WWTR1: variants seen among roughly 807,000 people sequenced by gnomAD.
WWTR1 encodes the protein WW domain-containing transcription regulator protein 1.
WWTR1 carries 13 observed loss-of-function variants against 40.1 expected under a neutral mutation model. That is an observed-to-expected ratio of 0.32 (90% CI 0.21 to 0.52). WWTR1 has a LOEUF of 0.52. Ranked by LOEUF, WWTR1 falls within the 20% of genes least tolerant of loss-of-function variation. WWTR1 has a pLI of 0.97. For missense variants in WWTR1, 436 were observed against 523.1 expected, an observed-to-expected ratio of 0.83 and a Z score of 1.63; for synonymous variants, 230 against 210.1, an observed-to-expected ratio of 1.09 and a Z score of -0.82.
intron 1 of WWTR1, 98 bp from the exon 2 acceptor site, chr3:149,657,407 G>A (rs1392648801): frequency 7.4e-7 from 1 of 1,353,862 alleles, no homozygotes. Flanking sequence ...AGAAAGAATA[G>A]AGGGAAAAGG....
At chr3:149,533,421 C>G (rs1175411461) in intron 4 of WWTR1, among the ~76,000 whole-genome samples, 1 of 152,192 alleles carries the variant, frequency 6.6e-6, no homozygotes, top group African/African-American at 2.4e-5. Flanking sequence ...GAAGGGCACA[C>G]AGTGGCTCTC....
In WWTR1 at chr3:149,622,490, G is replaced by GA. The variant is rs1560089654; in HGVS notation, c.431+34385dup. ...GGAAGGAAGGAAGGAAGGAAGGAAG[G>GA]AAGGAAGGAAGGAAGAAAGAAAGAA... On this transcript the variant is annotated intron_variant, in intron 2 of 6. Coordinates refer to ENST00000360632, the MANE Select transcript of WWTR1 (RefSeq NM_015472.6). Among the ~76,000 whole-genome samples the GA allele has an allele frequency of 1.4e-3, 90 of 62,678 alleles. 1 individual carries two copies. The East Asian group carries it at 0.038, about 26-fold the overall frequency. 41.1% of individuals were successfully genotyped at this position (62,678 alleles called of 152,430 possible).
chr3:149,564,156 C>G (rs954660432), intron 3 of WWTR1, among the ~76,000 whole-genome samples: 3 of 152,216 alleles, frequency 2.0e-5, no homozygotes, highest in South Asian at 2.1e-4. Flanking sequence ...CCTACATTTA[C>G]TGACACAGAA....
chr3:149,689,242 A>C (rs938263461), intron 1 of WWTR1, among the ~76,000 whole-genome samples: 2 of 152,040 alleles, frequency 1.3e-5, no homozygotes, highest in Admixed American at 1.3e-4. Context: ...TTAGTGGGGC[A>C]TGGTGGTTTG....
intron 1 of WWTR1, among the ~76,000 whole-genome samples, chr3:149,697,421 A>G (rs1473082496): frequency 1.3e-5 from 2 of 152,168 alleles, no homozygotes; most frequent in Non-Finnish European, 2.9e-5. Flanking sequence ...ACTATAAAAC[A>G]TTGATGAAAA....
intron 6 of WWTR1, among the ~76,000 whole-genome samples, chr3:149,524,608 T>C (rs909037826): frequency 1.3e-5 from 2 of 152,164 alleles, no homozygotes; most frequent in Non-Finnish European, 2.9e-5. Flanking sequence ...TGCAAACTAT[T>C]CCTGTGTCAC....
At chr3:149,603,854 C>CAA (rs370980729) in intron 2 of WWTR1, among the ~76,000 whole-genome samples, 1,835 of 83,154 alleles carry the variant, frequency 0.022, 77 homozygotes, top group Non-Finnish European at 0.029. Flanking sequence ...AGCGGCATAC[C>CAA]AAAAAAAAAA....
intron 3 of WWTR1, among the ~76,000 whole-genome samples, chr3:149,567,586 C>A (rs535824176): frequency 6.6e-6 from 1 of 152,310 alleles, no homozygotes; most frequent in South Asian, 2.1e-4. Context: ...TCTAACAGAG[C>A]ATATCAAAGG....
chr3:149,686,249 G>C (rs192311318), intron 1 of WWTR1, among the ~76,000 whole-genome samples: 1 of 152,248 alleles, frequency 6.6e-6, no homozygotes, highest in Admixed American at 6.5e-5. Flanking sequence ...TGGTTTTCAG[G>C]CTAGATCCAT....
intron 4 of WWTR1, among the ~76,000 whole-genome samples, chr3:149,538,782 C>G (rs934437559): frequency 6.6e-6 from 1 of 152,226 alleles, no homozygotes; most frequent in Non-Finnish European, 1.5e-5. Context: ...ATGGTAGCCA[C>G]TGGGCCCCTG....
At chr3:149,679,122 C>A (rs113400252) in intron 1 of WWTR1, among the ~76,000 whole-genome samples, 1 of 152,104 alleles carries the variant, frequency 6.6e-6, no homozygotes, top group Admixed American at 6.6e-5. Context: ...TGAGCCACTG[C>A]GCCTGGCCCA....
chr3:149,543,466 C>T (rs1388816513), intron 3 of WWTR1, among the ~76,000 whole-genome samples: 1 of 149,934 alleles, frequency 6.7e-6, no homozygotes, highest in East Asian at 2.0e-4. Flanking sequence ...CGTGTAGTCC[C>T]AGCTACTCAG....
At chr3:149,685,563 TCTC>T (rs1430351732) in intron 1 of WWTR1, among the ~76,000 whole-genome samples, 1 of 152,194 alleles carries the variant, frequency 6.6e-6, no homozygotes, top group Non-Finnish European at 1.5e-5. Context: ...TTCAGGCTCT[TCTC>T]CTGGTAAATA....
At chr3:149,612,648 T>C (rs555891326) in intron 2 of WWTR1, among the ~76,000 whole-genome samples, 90 of 152,316 alleles carry the variant, frequency 5.9e-4, no homozygotes, top group African/African-American at 2.2e-3. Context: ...CAGGAGGATA[T>C]GAGGCTGCAA....
chr3:149,657,569 G>A (rs948289945), intron 1 of WWTR1, 196 bp downstream of exon 1: 2 of 492,282 alleles, frequency 4.1e-6, no homozygotes, highest in South Asian at 5.4e-5. Flanking sequence ...TAGGGCGAGG[G>A]GTGGAGGGAA....
At chr3:149,576,955 C>G (rs776869458) in intron 2 of WWTR1, among the ~76,000 whole-genome samples, 1 of 152,092 alleles carries the variant, frequency 6.6e-6, no homozygotes, top group East Asian at 1.9e-4. Context: ...GTTGGGAGTT[C>G]GAGACCAGCC....
At chr3:149,667,589 T>G (rs183570114) in intron 2 of WWTR1, among the ~76,000 whole-genome samples, 289 of 151,858 alleles carry the variant, frequency 1.9e-3, no homozygotes, top group African/African-American at 6.7e-3. Context: ...TTACTAATGA[T>G]GTCTAGGCAA....
In WWTR1 at chr3:149,593,545, T is replaced by C. The variant is rs556069142; in HGVS notation, c.432-20545A>G. Among the ~76,000 whole-genome samples the C allele has an allele frequency of 5.2e-4, 79 of 152,368 alleles. No homozygotes were observed. In the South Asian group the frequency reaches 0.016, roughly 31 times the overall value. On this transcript the variant is annotated intron_variant, in intron 2 of 6. Transcript: ENST00000360632. ...TCTTTTCCTGATTCCACTTCGACACTGCTCACCACTGAAGAGAACTCTAAG... is the reference window on the plus strand; with the variant it reads ...TCTTTTCCTGATTCCACTTCGACACCGCTCACCACTGAAGAGAACTCTAAG...
Position 149,536,300 on chromosome 3 carries a change from G to C in WWTR1, c.771+6035C>G, listed in dbSNP as rs559497167. Among the ~76,000 whole-genome samples the C allele has an allele frequency of 7.2e-5, 11 of 152,220 alleles. No individual in the cohort carries two copies. In the South Asian group the frequency reaches 2.3e-3, roughly 32 times the overall value. On this transcript the variant is annotated intron_variant, in intron 4 of 6. Coordinates refer to ENST00000360632, the MANE Select transcript of WWTR1 (RefSeq NM_015472.6). ...AGATTCACAAAATATTAGACTACGT[G>C]ACCTCTGTTAACCCAGTCAACTCTG...
Sources: allele counts gnomAD v4.1 joint callset (sites outside exome capture counted in the v4.1 genomes callset), GRCh38; gene constraint gnomAD v4.1.1; transcripts MANE v1.5; gene names NCBI Gene and HGNC (gene_info 2026-07-23, HGNC 2026-07-21).